PKNOX2: variants seen among roughly 807,000 people sequenced by gnomAD.
PKNOX2 encodes homeobox protein PKNOX2.
A neutral mutation model predicts 53.1 loss-of-function variants in PKNOX2; 14 were observed. The observed-to-expected ratio is 0.26, with a 90% CI of 0.17 to 0.41. PKNOX2 has a LOEUF of 0.41. PKNOX2 is among the 10% of genes least tolerant of loss of function. The pLI, the probability that PKNOX2 is intolerant of heterozygous loss-of-function variation, is 1.00. For synonymous variants in PKNOX2, 257 were observed against 242.8 expected (o/e 1.06, Z -0.54); for missense variants, 496 against 602.8 (o/e 0.82, Z 1.85).
At chr11:125,328,789 C>T (rs1949985651) in intron 2 of PKNOX2, among the ~76,000 whole-genome samples, 1 of 152,194 alleles carries the variant, frequency 6.6e-6, no homozygotes, top group African/African-American at 2.4e-5. Context: ...GAAGACACGC[C>T]ACTTGCTGGC....
chr11:125,215,874 A>G (rs1342763195), intron 1 of PKNOX2, among the ~76,000 whole-genome samples: 1 of 152,138 alleles, frequency 6.6e-6, no homozygotes. Context: ...GGATGATTAT[A>G]TTTTCTTCAG....
chr11:125,389,222 A>G (rs193238994), intron 6 of PKNOX2, among the ~76,000 whole-genome samples: 13 of 151,792 alleles, frequency 8.6e-5, no homozygotes, highest in Non-Finnish European at 1.6e-4. Flanking sequence ...CAAACAAAAA[A>G]CCCTAGGGAG....
In PKNOX2 at chr11:125,178,651, AAGG is replaced by A. The variant is rs1565462460; in HGVS notation, c.-201+13877_-201+13879del. 7.4e-5 allele frequency among the ~76,000 whole-genome samples: 8 copies of A among 108,574 alleles called. 1 individual carries two copies. The highest frequency in any genetic ancestry group is 4.9e-4 in the African/African-American group (8 of 16,428). 71.2% of individuals were successfully genotyped at this position (108,574 alleles called of 152,430 possible). ...GAAAGAAAGAAAGAAAGAAAGAAGGAAGGAAGGAAGGAAGGAAGGAAAGAAAGA... is the reference window on the plus strand; with the variant it reads ...GAAAGAAAGAAAGAAAGAAAGAAGGAAAGGAAGGAAGGAAGGAAAGAAAGA... On this transcript the variant is annotated intron_variant, in intron 1 of 12. Coordinates refer to ENST00000298282, the MANE Select transcript of PKNOX2 (RefSeq NM_001382323.2).
intron 3 of PKNOX2, among the ~76,000 whole-genome samples, chr11:125,342,634 C>T (rs1187038583): frequency 2.6e-5 from 4 of 152,182 alleles, no homozygotes; most frequent in African/African-American, 2.4e-5. Context: ...AGTGCCTGAG[C>T]GGCTGCTGTC....
chr11:125,432,582 C>A lies in PKNOX2; in HGVS notation c.*1190C>A, dbSNP rs3740893. 0.12 allele frequency: 18,435 copies of A among 152,724 alleles called. 1,221 individuals are homozygous for A. The highest frequency in any genetic ancestry group is 0.28 in the East Asian group (1,421 of 5,144). The allele number at this position is 152,724 out of a possible 1,614,324, so 9.5% of individuals were successfully genotyped here. On this transcript the variant is annotated 3_prime_UTR_variant, in exon 13 of 13. Coordinates refer to ENST00000298282, the MANE Select transcript of PKNOX2 (RefSeq NM_001382323.2). ...GGGGATGCCCATCCCACACACCCCACCCAGCTGTTCTAACCCTGCTATCCA... is the reference window on the plus strand; with the variant it reads ...GGGGATGCCCATCCCACACACCCCAACCAGCTGTTCTAACCCTGCTATCCA...
chr11:125,221,169 A>C (rs1384485629), intron 1 of PKNOX2, among the ~76,000 whole-genome samples: 3 of 152,148 alleles, frequency 2.0e-5, no homozygotes, highest in Middle Eastern at 3.4e-3. Context: ...AAAACAAAAC[A>C]AAAATTGTCA....
rs996564364 is a variant in PKNOX2 at position 125,298,600 on chromosome 11, C to A, written c.-129-33219C>A. 5.9e-5 allele frequency among the ~76,000 whole-genome samples: 9 copies of A among 152,326 alleles called. No individual in the cohort carries two copies. The South Asian group carries it at 1.9e-3, about 32-fold the overall frequency. On this transcript the variant is annotated intron_variant, in intron 2 of 12. Transcript: ENST00000298282. The stretch of plus-strand genomic sequence containing the variant: ...CCTGAGCTGTGCATAGACAGGCCTC[C>A]AGGCCCCCAGTTCTGAGCCGCTGAA...
At chr11:125,291,199 A>G (rs992256540) in intron 2 of PKNOX2, among the ~76,000 whole-genome samples, 1 of 152,170 alleles carries the variant, frequency 6.6e-6, no homozygotes, top group Non-Finnish European at 1.5e-5. Context: ...CCTCGCATGT[A>G]AAGTTGGAGG....
chr11:125,280,997 T>C (rs1946519347), intron 2 of PKNOX2, among the ~76,000 whole-genome samples: 1 of 152,188 alleles, frequency 6.6e-6, no homozygotes, highest in Non-Finnish European at 1.5e-5. Flanking sequence ...TGAGTGACCG[T>C]CCTGGCTTCC....
chr11:125,224,965 C>T (rs1037445329), intron 1 of PKNOX2, among the ~76,000 whole-genome samples: 1 of 152,224 alleles, frequency 6.6e-6, no homozygotes, highest in Non-Finnish European at 1.5e-5. Context: ...ATCTCCCTCC[C>T]CCAGGGTCTG....
chr11:125,210,625 G>A (rs1006587587), intron 1 of PKNOX2, among the ~76,000 whole-genome samples: 11 of 152,088 alleles, frequency 7.2e-5, no homozygotes, highest in Admixed American at 4.6e-4. Flanking sequence ...ATTCACTTAG[G>A]GAGGTCAACT....
chr11:125,309,163 C>T (rs551149256), intron 2 of PKNOX2, among the ~76,000 whole-genome samples: 2 of 150,652 alleles, frequency 1.3e-5, no homozygotes, highest in African/African-American at 4.9e-5. Flanking sequence ...TTCTTTCCTT[C>T]CTTCCTTCCT....
intron 1 of PKNOX2, chr11:125,191,204 G>A (rs1245890607): frequency 6.6e-6 from 1 of 152,192 alleles, no homozygotes; most frequent in Non-Finnish European, 1.5e-5. Context: ...AAGAAGTCAA[G>A]AGACTTGCCC....
At chr11:125,282,198 GC>G in intron 2 of PKNOX2, among the ~76,000 whole-genome samples, 1 of 152,342 alleles carries the variant, frequency 6.6e-6, no homozygotes, top group African/African-American at 2.4e-5. Context: ...TAGTGCATAA[GC>G]TTTGGAGTCA....
Position 125,360,396 on chromosome 11 carries a change from G to A in PKNOX2, c.88-7450G>A, listed in dbSNP as rs1287264252. 3.3e-5 allele frequency among the ~76,000 whole-genome samples: 5 copies of A among 152,204 alleles called. No individual in the cohort carries two copies. The East Asian group carries it at 9.6e-4, about 29-fold the overall frequency. The stretch of plus-strand genomic sequence containing the variant: ...TAGAATTGCTTAGAAACCAAGGTTT[G>A]CGGGGCATCTGCTGCTTGCAATGCA... On this transcript the variant is annotated intron_variant, in intron 4 of 12. Transcript: ENST00000298282.
rs1472645563 is a variant in PKNOX2 at position 125,431,284 on chromosome 11, G to A, written c.1311G>A (p.Glu437=). The change falls in exon 13 of 13, where the codon GAG becomes GAA. Residue 437 remains glutamate (E), a synonymous_variant. Coordinates refer to ENST00000298282, the MANE Select transcript of PKNOX2 (RefSeq NM_001382323.2). ...DSLDGTEEED[E]DEMEEEEEEE... is the part of the protein sequence containing the mutation. ...TGGATGGGACAGAAGAAGAGGATGA[G>A]GATGAGATGGAAGAGGAGGAGGAGG... 1 of 1,613,214 alleles carries A rather than the reference G, an allele frequency of 6.2e-7. No homozygotes were observed. Among genetic ancestry groups the A allele is most frequent in the African/African-American group, 1.3e-5 (1 of 74,878 alleles).
At chr11:125,302,666 T>G (rs1472865358) in intron 2 of PKNOX2, among the ~76,000 whole-genome samples, 1 of 152,162 alleles carries the variant, frequency 6.6e-6, no homozygotes, top group African/African-American at 2.4e-5. Context: ...CCAGGAGTCA[T>G]CAGCCCCACG....
chr11:125,425,962 G>C (rs989573291), intron 10 of PKNOX2, among the ~76,000 whole-genome samples: 1 of 152,226 alleles, frequency 6.6e-6, no homozygotes, highest in East Asian at 1.9e-4. Flanking sequence ...CCAGGCGGTG[G>C]TTAGGGGCTT....
intron 2 of PKNOX2, among the ~76,000 whole-genome samples, chr11:125,265,282 G>C (rs1945235635): frequency 6.7e-6 from 1 of 149,198 alleles, no homozygotes; most frequent in African/African-American, 2.5e-5. Context: ...GCGAGACTCT[G>C]TCTCAAAAAA....
Sources: gnomAD v4.1 joint callset for allele counts (sites outside exome capture counted in the v4.1 genomes callset) on GRCh38, gnomAD v4.1.1 for gene constraint, MANE v1.5 for transcripts, NCBI Gene and HGNC (gene_info 2026-07-23, HGNC 2026-07-21) for gene names.